Variants in ING3 observed in about 807,000 individuals in gnomAD.
ING3 encodes the protein inhibitor of growth family member 3.
Under a neutral mutation model 64.8 loss-of-function variants are expected in ING3, and 6 were observed. The ratio of observed to expected loss-of-function variants is 0.09; its 90% CI spans 0.05 to 0.18. The LOEUF (loss-of-function observed/expected upper bound fraction) is 0.18, where lower values mean the gene tolerates loss of function less well. Among genes scored for constraint, ING3 ranks in the 10% least tolerant of loss-of-function variants. The pLI is 1.00. For missense variants in ING3, 310 were observed against 489.7 expected (o/e 0.63, Z 3.46); for synonymous variants, 170 against 173.7 (o/e 0.98, Z 0.17).
intron 4 of ING3, 64 bp from the exon 5 acceptor site, chr7:120,964,678 A>C (rs1419601486): frequency 1.5e-6 from 2 of 1,310,850 alleles, no homozygotes; most frequent in Non-Finnish European, 2.2e-6. Flanking sequence ...AGGTTTCCTC[A>C]TTAAGCTGAC....
At chr7:120,964,591 A>T in intron 4 of ING3, 151 bp from the exon 5 acceptor site, 1 of 594,330 alleles carries the variant, frequency 1.7e-6, no homozygotes, top group South Asian at 2.2e-5. Flanking sequence ...CATTTTATAG[A>T]TTAAAAACCT....
chr7:120,970,640 G>A (rs778154666), intron 9 of ING3, 48 bp from the exon 10 acceptor site: 2 of 1,586,956 alleles, frequency 1.3e-6, no homozygotes, highest in African/African-American at 1.3e-5. Flanking sequence ...GTTATTCTCA[G>A]TTAACTTCTG....
chr7:120,967,741 C>A lies in ING3; in HGVS notation c.556+93C>A, dbSNP rs58433173. 3.0e-4 allele frequency: 411 copies of A among 1,366,628 alleles called. No individual in the cohort carries two copies. In the African/African-American group the frequency reaches 5.3e-3, roughly 17 times the overall value. The allele number at this position is 1,366,628 out of a possible 1,614,324, so 84.7% of individuals were successfully genotyped here. ...TCAGGATTAATGAATCATACAGTTTCTTTACCTGGTTAAAGTATACATATG... is the reference window on the plus strand; with the variant it reads ...TCAGGATTAATGAATCATACAGTTTATTTACCTGGTTAAAGTATACATATG... On this transcript the variant is annotated intron_variant, in intron 7 of 11. Transcript: ENST00000315870.
In ING3 at chr7:120,976,944, G is replaced by C. The variant is rs1055525660; in HGVS notation, c.*2100G>C. ...GTCATATATAATGGGGCCAAACATG[G>C]AACTACCTCATCAACCCCCCAAAAA... On this transcript the variant is annotated 3_prime_UTR_variant, in exon 12 of 12. Coordinates refer to ENST00000315870, the MANE Select transcript of ING3 (RefSeq NM_019071.3). The C allele has an allele frequency of 6.6e-6, 1 of 152,102 alleles. No individual in the cohort carries two copies. The highest frequency in any genetic ancestry group is 1.5e-5 in the Non-Finnish European group (1 of 68,018). The allele number at this position is 152,102 out of a possible 1,614,324, so 9.4% of individuals were successfully genotyped here.
chr7:120,964,673 T>G (rs1795975317), intron 4 of ING3, 69 bp from the exon 5 acceptor site: 3 of 1,229,404 alleles, frequency 2.4e-6, no homozygotes, highest in African/African-American at 1.5e-5. Flanking sequence ...AATTTAGGTT[T>G]CCTCATTAAG....
intron 3 of ING3, among the ~76,000 whole-genome samples, chr7:120,954,441 A>T (rs539865032): frequency 1.3e-5 from 2 of 152,106 alleles, no homozygotes; most frequent in African/African-American, 4.8e-5. Flanking sequence ...CTCAAAAAAA[A>T]AAAAGGGTCC....
chr7:120,956,986 G>A, intron 4 of ING3: 1 of 374,978 alleles, frequency 2.7e-6, no homozygotes, highest in South Asian at 1.1e-4. Flanking sequence ...ATATGTGTGT[G>A]TGTGTATTCA....
Position 120,977,011 on chromosome 7 carries a change from G to A in ING3, c.*2167G>A, listed in dbSNP as rs1244679562. ...TATTCTTTGTGACATTTACACCAAGGGGCATAGTAAGTATTTTTGGTATTA... is the reference window on the plus strand; with the variant it reads ...TATTCTTTGTGACATTTACACCAAGAGGCATAGTAAGTATTTTTGGTATTA... On this transcript the variant is annotated 3_prime_UTR_variant, in exon 12 of 12. Transcript: ENST00000315870. 1 of 152,068 alleles carries A rather than the reference G, an allele frequency of 6.6e-6. No homozygotes were observed. The highest frequency in any genetic ancestry group is 1.5e-5 in the Non-Finnish European group (1 of 68,018). 9.4% of individuals were successfully genotyped at this position (152,068 alleles called of 1,614,324 possible).
intron 4 of ING3, among the ~76,000 whole-genome samples, chr7:120,961,956 G>A (rs952640474): frequency 3.9e-5 from 6 of 152,174 alleles, no homozygotes; most frequent in Non-Finnish European, 8.8e-5. Context: ...TCAGTCTTAT[G>A]AAAGCAGATG....
At chr7:120,954,563 C>A (rs1795816880) in intron 3 of ING3, among the ~76,000 whole-genome samples, 1 of 151,966 alleles carries the variant, frequency 6.6e-6, no homozygotes, top group Admixed American at 6.6e-5. Flanking sequence ...AAATCATAAT[C>A]TATAACAGAA....
intron 4 of ING3, chr7:120,956,272 T>C: frequency 6.6e-7 from 1 of 1,516,314 alleles, no homozygotes; most frequent in South Asian, 1.3e-5. Context: ...TCCTAAAATA[T>C]ACACTTTAAG....
At chr7:120,957,652 CA>C (rs539828626) in intron 4 of ING3, among the ~76,000 whole-genome samples, 3 of 152,114 alleles carry the variant, frequency 2.0e-5, no homozygotes, top group Non-Finnish European at 4.4e-5. Context: ...GAGGGGAAAG[CA>C]TTTCACTCAG....
chr7:120,973,336 G>A, intron 11 of ING3, 93 bp downstream of exon 11: 1 of 835,382 alleles, frequency 1.2e-6, no homozygotes, highest in Non-Finnish European at 2.0e-6. Flanking sequence ...TTTGGTCTAA[G>A]AAAACAGGTT....
At chr7:120,969,468 A>G (rs548979831) in intron 9 of ING3, among the ~76,000 whole-genome samples, 39 of 152,082 alleles carry the variant, frequency 2.6e-4, no homozygotes, top group Non-Finnish European at 5.1e-4. Flanking sequence ...TCTTTTATTC[A>G]TTAAGATAAA....
intron 4 of ING3, among the ~76,000 whole-genome samples, chr7:120,962,858 T>C (rs1471577983): frequency 1.3e-5 from 2 of 152,260 alleles, no homozygotes; most frequent in East Asian, 3.9e-4. Context: ...TTGTGACATC[T>C]AGACTATATT....
chr7:120,953,014 A>G (rs1183972850), intron 2 of ING3, among the ~76,000 whole-genome samples: 1 of 152,170 alleles, frequency 6.6e-6, no homozygotes, highest in East Asian at 1.9e-4. Flanking sequence ...CTTTTGACCT[A>G]AAGGCTTTAT....
At chr7:120,967,225 A>G (rs988379586) in intron 6 of ING3, among the ~76,000 whole-genome samples, 27 of 152,354 alleles carry the variant, frequency 1.8e-4, no homozygotes, top group African/African-American at 5.5e-4. Flanking sequence ...TTGGTGGGAA[A>G]CTATTTTAAG....
intron 4 of ING3, among the ~76,000 whole-genome samples, chr7:120,961,179 G>A (rs1337244456): frequency 6.6e-6 from 1 of 152,070 alleles, no homozygotes; most frequent in Non-Finnish European, 1.5e-5. Context: ...ATATGCTAAG[G>A]CCTCTCAAGT....
At chr7:120,965,878 G>C (rs916514979) in intron 5 of ING3, among the ~76,000 whole-genome samples, 1 of 152,126 alleles carries the variant, frequency 6.6e-6, no homozygotes, top group African/African-American at 2.4e-5. Context: ...TAAAAATTCT[G>C]TATCTGCTTT....
Sources: gnomAD v4.1 joint callset for allele counts (sites outside exome capture counted in the v4.1 genomes callset) on GRCh38, gnomAD v4.1.1 for gene constraint, MANE v1.5 for transcripts, NCBI Gene and HGNC (gene_info 2026-07-23, HGNC 2026-07-21) for gene names.